Variants in NTRK3 observed in about 807,000 individuals in gnomAD.
NTRK3 encodes neurotrophic receptor tyrosine kinase 3.
In NTRK3, 24 loss-of-function variants were observed where a neutral mutation model predicts 91.7. That is an observed-to-expected ratio of 0.26 (90% CI 0.19 to 0.37). The LOEUF (loss-of-function observed/expected upper bound fraction) is 0.37, where lower values mean the gene tolerates loss of function less well. NTRK3 is among the 10% of genes least tolerant of loss of function. NTRK3 has a pLI of 1.00. For missense variants in NTRK3, 880 were observed against 1,068.9 expected, an observed-to-expected ratio of 0.82 and a Z score of 2.46; for synonymous variants, 483 against 404.0, an observed-to-expected ratio of 1.20 and a Z score of -2.34.
At chr15:88,147,453 T>C (rs2151314889) in intron 5 of NTRK3, 50 bp from the exon 6 acceptor site, 1 of 1,479,380 alleles carries the variant, frequency 6.8e-7, no homozygotes, top group Non-Finnish European at 9.4e-7. Context: ...CTGGCACAAA[T>C]AATGCTCTAG....
intron 3 of NTRK3, among the ~76,000 whole-genome samples, chr15:88,208,529 T>C (rs557287232): frequency 2.8e-4 from 43 of 152,022 alleles, no homozygotes; most frequent in African/African-American, 9.6e-4. Context: ...TGAGGCGGGG[T>C]CTGAGATTCT....
At chr15:87,892,756 G>A (rs1173555482) in intron 17 of NTRK3, among the ~76,000 whole-genome samples, 1 of 152,084 alleles carries the variant, frequency 6.6e-6, no homozygotes. Context: ...TTTTGTCACA[G>A]TAAATTATGA....
At chr15:88,062,892 G>C (rs536082143) in intron 13 of NTRK3, among the ~76,000 whole-genome samples, 18 of 152,318 alleles carry the variant, frequency 1.2e-4, no homozygotes, top group Admixed American at 3.9e-4. Flanking sequence ...TGTGCCAAAG[G>C]CCAAAGGCCC....
chr15:88,039,184 G>A (rs74395759), intron 13 of NTRK3, among the ~76,000 whole-genome samples: 4,178 of 149,236 alleles, frequency 0.028, 78 homozygotes, highest in South Asian at 0.078. Flanking sequence ...CACACAGCCC[G>A]CCTATTACCT....
intron 5 of NTRK3, among the ~76,000 whole-genome samples, chr15:88,159,377 G>T (rs1004197450): frequency 3.9e-5 from 6 of 152,164 alleles, no homozygotes; most frequent in Admixed American, 1.3e-4. Context: ...GAGGGGAGAG[G>T]TTCTCCCATT....
chr15:88,036,153 T>G (rs2079051500), intron 13 of NTRK3, among the ~76,000 whole-genome samples: 1 of 152,022 alleles, frequency 6.6e-6, no homozygotes, highest in African/African-American at 2.4e-5. Flanking sequence ...TCCAGCACAA[T>G]TAACACAAGT....
At chr15:88,175,298 G>A (rs1216911845) in intron 5 of NTRK3, among the ~76,000 whole-genome samples, 2 of 152,058 alleles carry the variant, frequency 1.3e-5, no homozygotes, top group South Asian at 2.1e-4. Flanking sequence ...TTTGCCCCAC[G>A]GCAGAGGAAA....
At chr15:87,922,393 T>C (rs1187105416) in intron 17 of NTRK3, among the ~76,000 whole-genome samples, 2 of 152,148 alleles carry the variant, frequency 1.3e-5, no homozygotes, top group African/African-American at 2.4e-5. Context: ...GCACCTCAGG[T>C]CCTCCCATTA....
intron 13 of NTRK3, among the ~76,000 whole-genome samples, chr15:88,080,701 C>A (rs1213524308): frequency 6.6e-6 from 1 of 152,202 alleles, no homozygotes; most frequent in East Asian, 1.9e-4. Flanking sequence ...CCAAAGAGCC[C>A]CAGATTGGAA....
At chr15:87,971,598 G>T (rs1225974517) in intron 14 of NTRK3, among the ~76,000 whole-genome samples, 1 of 152,218 alleles carries the variant, frequency 6.6e-6, no homozygotes, top group East Asian at 1.9e-4. Context: ...CCAGTGCTGA[G>T]AAAGACTGGA....
At position 88,214,238 on chromosome 15, in the gene NTRK3, T is replaced by A. The variant is rs188212452; in HGVS notation, c.249-29939A>T. 7.0e-4 allele frequency among the ~76,000 whole-genome samples: 107 copies of A among 152,162 alleles called. 1 individual carries two copies. The East Asian group carries it at 0.02, about 29-fold the overall frequency. On this transcript the variant is annotated intron_variant, in intron 3 of 18. Coordinates refer to ENST00000394480, the Ensembl canonical transcript of NTRK3. ...AGTCCTGGAGGCTGGAAGTCAGAAA[T>A]CAAGGTGTCAGCAGGGCCATGCTCC...
intron 3 of NTRK3, among the ~76,000 whole-genome samples, chr15:88,198,320 C>T (rs1170858717): frequency 6.6e-6 from 1 of 152,176 alleles, no homozygotes; most frequent in African/African-American, 2.4e-5. Flanking sequence ...CCAAACAAAG[C>T]CCTGGCTGCC....
At chr15:87,951,307 C>T (rs1320965704) in intron 14 of NTRK3, among the ~76,000 whole-genome samples, 3 of 152,156 alleles carry the variant, frequency 2.0e-5, no homozygotes, top group Non-Finnish European at 4.4e-5. Context: ...TATTTTGTTG[C>T]CCCCTACATA....
chr15:88,228,593 A>C (rs1005287535), intron 3 of NTRK3, among the ~76,000 whole-genome samples: 17 of 152,180 alleles, frequency 1.1e-4, no homozygotes, highest in African/African-American at 4.1e-4. Flanking sequence ...TCCCCTGGGC[A>C]GAAACAGACC....
At chr15:88,093,019 A>AT (rs1341045742) in intron 13 of NTRK3, among the ~76,000 whole-genome samples, 1 of 129,224 alleles carries the variant, frequency 7.7e-6, no homozygotes, top group Admixed American at 7.5e-5. Context: ...TTAGGACCTG[A>AT]TTTTTTGTTT....
chr15:88,084,086 C>CTTTT (rs764435924), intron 13 of NTRK3, among the ~76,000 whole-genome samples: 1 of 135,850 alleles, frequency 7.4e-6, no homozygotes. Flanking sequence ...GTCCAAGTGC[C>CTTTT]TTTTTTTTTT....
At chr15:87,983,572 T>C (rs1237722607) in intron 14 of NTRK3, among the ~76,000 whole-genome samples, 6 of 152,204 alleles carry the variant, frequency 3.9e-5, no homozygotes, top group East Asian at 3.9e-4. Context: ...AAAAGGTGGA[T>C]AGTATTAACT....
chr15:88,112,541 C>A (rs1397132776), intron 13 of NTRK3, among the ~76,000 whole-genome samples: 1 of 149,558 alleles, frequency 6.7e-6, no homozygotes, highest in Non-Finnish European at 1.5e-5. Context: ...CACTGCCAGT[C>A]TCTCTTGGCC....
intron 14 of NTRK3, among the ~76,000 whole-genome samples, chr15:87,995,751 A>C (rs1401085215): frequency 6.6e-6 from 1 of 152,186 alleles, no homozygotes; most frequent in Non-Finnish European, 1.5e-5. Context: ...TAAATATTAT[A>C]GGCTTTTCAG....
Sources: gnomAD v4.1 joint callset for allele counts (sites outside exome capture counted in the v4.1 genomes callset) on GRCh38, gnomAD v4.1.1 for gene constraint, MANE v1.5 for transcripts, NCBI Gene and HGNC (gene_info 2026-07-23, HGNC 2026-07-21) for gene names.